The following ALDH1A1 variants were observed in gnomAD, a reference collection of about 807,000 sequenced individuals.
ALDH1A1 encodes aldehyde dehydrogenase 1A1.
In ALDH1A1, 19 loss-of-function variants were observed where a neutral mutation model predicts 62.1. The ratio of observed to expected loss-of-function variants is 0.31; its 90% CI spans 0.21 to 0.45. The LOEUF (loss-of-function observed/expected upper bound fraction) is 0.45, where lower values mean the gene tolerates loss of function less well. ALDH1A1 is among the 20% of genes least tolerant of loss of function. The pLI is 1.00. For synonymous variants in ALDH1A1, 231 were observed against 215.9 expected (o/e 1.07, Z -0.61); for missense variants, 521 against 607.1 (o/e 0.86, Z 1.49).
intron 9 of ALDH1A1, among the ~76,000 whole-genome samples, chr9:72,915,519 T>A (rs1188682708): frequency 3.3e-5 from 5 of 152,184 alleles, no homozygotes; most frequent in Non-Finnish European, 7.3e-5. Flanking sequence ...GATTTGAATA[T>A]ATCTCTTGGC....
intron 3 of ALDH1A1, among the ~76,000 whole-genome samples, chr9:72,930,368 C>T (rs1259995427): frequency 6.6e-6 from 1 of 152,002 alleles, no homozygotes; most frequent in Admixed American, 6.6e-5. Context: ...AATTATGACC[C>T]TTGTGAACAG....
At chr9:72,917,727 A>G (rs1213970078) in intron 8 of ALDH1A1, among the ~76,000 whole-genome samples, 3 of 152,162 alleles carry the variant, frequency 2.0e-5, no homozygotes, top group Non-Finnish European at 4.4e-5. Context: ...TATTTATTTT[A>G]GGCGATAAAA....
intron 7 of ALDH1A1, among the ~76,000 whole-genome samples, chr9:72,919,952 T>A (rs914606243): frequency 6.6e-6 from 1 of 152,234 alleles, no homozygotes; most frequent in Non-Finnish European, 1.5e-5. Flanking sequence ...TCTAAAAACT[T>A]GGCTGGTTCT....
rs557593768 is a variant in ALDH1A1 at position 72,911,268 on chromosome 9, C to T, written c.1200+690G>A. Among the ~76,000 whole-genome samples, 3 of 152,178 alleles carry T rather than the reference C, an allele frequency of 2.0e-5. No homozygotes were observed. In the South Asian group the frequency reaches 6.2e-4, roughly 32 times the overall value. Reference sequence around the variant, plus strand: ...TAGGGAGTGATAGAGGGGATGAATGCTGTTTTCAAATACATGGATGGCTGT... The same window carrying T: ...TAGGGAGTGATAGAGGGGATGAATGTTGTTTTCAAATACATGGATGGCTGT... On this transcript the variant is annotated intron_variant, in intron 10 of 12. Coordinates refer to ENST00000297785, the MANE Select transcript of ALDH1A1 (RefSeq NM_000689.5).
chr9:72,901,789 T>C (rs1444201329), intron 12 of ALDH1A1, among the ~76,000 whole-genome samples: 1 of 152,050 alleles, frequency 6.6e-6, no homozygotes, highest in East Asian at 1.9e-4. Flanking sequence ...GAGCAGAGCT[T>C]GTATTTACCA....
At chr9:72,917,130 G>T (rs755094671) in intron 8 of ALDH1A1, 26 bp from the exon 9 acceptor site, 34 of 1,392,656 alleles carry the variant, frequency 2.4e-5, no homozygotes, top group Admixed American at 2.7e-5. Context: ...TCACATTAAA[G>T]ATATATTTTA....
In ALDH1A1 at chr9:72,917,040, G is replaced by A. The variant is rs544303576; in HGVS notation, c.915C>T (p.Ala305=). The A allele has an allele frequency of 6.0e-5, 97 of 1,613,744 alleles. No individual in the cohort carries two copies. Among genetic ancestry groups the A allele is most frequent in the South Asian group, 1.4e-4 (13 of 91,018 alleles). The part of the protein sequence containing the change: ...VFYHQGQCCI[A]ASRIFVEESI... ...ATTCTTCCACAAAAATCCTGGATGCGGCTATACAACACTGGCCCTGGTGGT... is the reference window on the plus strand; with the variant it reads ...ATTCTTCCACAAAAATCCTGGATGCAGCTATACAACACTGGCCCTGGTGGT... The change falls in exon 9 of 13, where the codon GCC becomes GCT. Residue 305 remains alanine (A), a synonymous_variant. Transcript: ENST00000297785.
intron 12 of ALDH1A1, among the ~76,000 whole-genome samples, chr9:72,905,598 C>T (rs776753016): frequency 1.1e-4 from 17 of 151,996 alleles, no homozygotes; most frequent in Non-Finnish European, 1.9e-4. Context: ...ACATTTGCAC[C>T]TTTCTTGCAA....
In ALDH1A1 at chr9:72,930,599, A is replaced by C. The variant is rs1057300169; in HGVS notation, c.312+280T>G. 5.3e-5 allele frequency among the ~76,000 whole-genome samples: 8 copies of C among 152,324 alleles called. No homozygotes were observed. In the East Asian group the frequency reaches 1.5e-3, roughly 29 times the overall value. On this transcript the variant is annotated intron_variant, in intron 3 of 12. Coordinates refer to ENST00000297785, the MANE Select transcript of ALDH1A1 (RefSeq NM_000689.5). ...CTTATTGAAACCTCTGAGAAGTTTT[A>C]AGGTAAAGAAATTTCTAAAATTTGG...
Position 72,931,007 on chromosome 9 carries a change from T to C in ALDH1A1, c.184A>G (p.Lys62Glu). 6.2e-7 allele frequency: 1 copy of C among 1,613,994 alleles called. No individual in the cohort carries two copies. The highest frequency in any genetic ancestry group is 8.5e-7 in the Non-Finnish European group (1 of 1,179,938). ...GCCTGTCTTGCGGCCTTCACTGCCT[T>C]GTCAACATCCTCCTGTAAGTCAACA... ...VEEGDKEDVD[K>E]AVKAARQAFQ... The change falls in exon 3 of 13, where the codon AAG becomes GAG. Residue 62 changes from lysine to glutamate, a missense_variant. Physicochemically the swap from Lys to Glu is moderately conservative, Grantham distance 56. Coordinates refer to ENST00000297785, the MANE Select transcript of ALDH1A1 (RefSeq NM_000689.5).
chr9:72,927,169 A>T lies in ALDH1A1; in HGVS notation c.451T>A (p.Phe151Ile), dbSNP rs1334597486. 1 of 1,602,442 alleles carries T rather than the reference A, an allele frequency of 6.2e-7. No individual in the cohort carries two copies. Among genetic ancestry groups the T allele is most frequent in the Non-Finnish European group, 8.5e-7 (1 of 1,174,710 alleles). ...GGTTCATGTCTTGTATATGTAAAAA[A>T]ATTTCCATCTGAAAAATAAAACACA... Reference protein sequence around the residue: ...QGRTIPIDGNFFTYTRHEPIG... With the variant: ...QGRTIPIDGNIFTYTRHEPIG... Residue 151 changes from phenylalanine to isoleucine, a missense_variant, in exon 5 of 13, where the codon TTT becomes ATT. Transcript: ENST00000297785.
intron 9 of ALDH1A1, among the ~76,000 whole-genome samples, chr9:72,915,303 A>C (rs929832761): frequency 2.6e-5 from 4 of 152,186 alleles, no homozygotes; most frequent in Admixed American, 6.5e-5. Flanking sequence ...AATTGTGAAG[A>C]TGTCCTAATG....
intron 9 of ALDH1A1, among the ~76,000 whole-genome samples, chr9:72,913,395 A>C (rs888439651): frequency 6.6e-6 from 1 of 152,214 alleles, no homozygotes; most frequent in Non-Finnish European, 1.5e-5. Flanking sequence ...TATTTAAATT[A>C]CTACATAGGT....
intron 11 of ALDH1A1, among the ~76,000 whole-genome samples, chr9:72,908,536 AAAGAAAGAAAAGAAAGAAGAAAG>A (rs1468858273): frequency 1.6e-5 from 2 of 125,426 alleles, no homozygotes; most frequent in African/African-American, 6.2e-5. Flanking sequence ...AGAAAGAAAG[AAAGAAAGAAAAGAAAGAAGAAAG>A]AAAGAAAGAA....
intron 12 of ALDH1A1, among the ~76,000 whole-genome samples, chr9:72,903,737 T>C (rs1172629018): frequency 2.6e-5 from 4 of 152,108 alleles, no homozygotes; most frequent in Non-Finnish European, 4.4e-5. Flanking sequence ...TTGATTTCTT[T>C]ATGCCTTCAC....
At chr9:72,913,614 C>T (rs934554633) in intron 9 of ALDH1A1, among the ~76,000 whole-genome samples, 1 of 152,190 alleles carries the variant, frequency 6.6e-6, no homozygotes, top group African/African-American at 2.4e-5. Flanking sequence ...CTGTCTGTGA[C>T]CACGTTGAAT....
intron 10 of ALDH1A1, among the ~76,000 whole-genome samples, chr9:72,910,835 A>G (rs890785437): frequency 2.0e-5 from 3 of 152,132 alleles, no homozygotes; most frequent in Non-Finnish European, 2.9e-5. Context: ...ATCTAATCCT[A>G]TTTGAACATA....
intron 9 of ALDH1A1, among the ~76,000 whole-genome samples, chr9:72,915,561 C>T (rs949112338): frequency 2.0e-5 from 3 of 152,114 alleles, no homozygotes; most frequent in South Asian, 4.1e-4. Context: ...AAAAGGGCAA[C>T]TACTTTTAAG....
intron 1 of ALDH1A1, among the ~76,000 whole-genome samples, chr9:72,949,565 A>G (rs1372334754): frequency 6.6e-6 from 1 of 151,844 alleles, no homozygotes; most frequent in Non-Finnish European, 1.5e-5. Flanking sequence ...TAGGGTTATT[A>G]TGAGGAGTAA....
Sources: gnomAD v4.1 joint callset for allele counts (sites outside exome capture counted in the v4.1 genomes callset) on GRCh38, gnomAD v4.1.1 for gene constraint, MANE v1.5 for transcripts, NCBI Gene and HGNC (gene_info 2026-07-23, HGNC 2026-07-21) for gene names.